The following TOP1MT variants were observed in gnomAD, a reference collection of about 807,000 sequenced individuals.
The protein encoded by TOP1MT is DNA topoisomerase I, mitochondrial.
TOP1MT carries 80 observed loss-of-function variants against 73.9 expected under a neutral mutation model. The observed-to-expected ratio is 1.08, with a 90% CI of 0.90 to 1.30. The LOEUF (loss-of-function observed/expected upper bound fraction) is 1.30. Ranked by LOEUF, TOP1MT falls within the 50% of genes most tolerant of loss-of-function variation. TOP1MT has a pLI of 0.00. For missense variants in TOP1MT, 815 were observed against 808.0 expected (o/e 1.01, Z -0.10); for synonymous variants, 338 against 326.4 (o/e 1.04, Z -0.38).
chr8:143,316,259 T>A, intron 10 of TOP1MT, 133 bp from the exon 11 acceptor site: 1 of 1,417,176 alleles, frequency 7.1e-7, no homozygotes, highest in Non-Finnish European at 9.7e-7. Context: ...ATGGGGAGAG[T>A]GAGGGCCAAG....
upstream of TOP1MT, among the ~76,000 whole-genome samples, chr8:143,359,064 A>G (rs1469306931): frequency 6.6e-6 from 1 of 151,676 alleles, no homozygotes; most frequent in Non-Finnish European, 1.5e-5. Context: ...GCTGGTCTCA[A>G]ACCCTGAGCT....
chr8:143,328,428 A>G, intron 3 of TOP1MT: 2 of 382,234 alleles, frequency 5.2e-6, no homozygotes, highest in South Asian at 3.9e-5. Flanking sequence ...ATGACACGTC[A>G]GTACACCAAA....
At chr8:143,322,645 ACACGCACAC>A (rs1816500889) in intron 7 of TOP1MT, among the ~76,000 whole-genome samples, 1 of 110,710 alleles carries the variant, frequency 9.0e-6, no homozygotes, top group Non-Finnish European at 1.7e-5. Context: ...CACACACGCC[ACACGCACAC>A]CACACACGCA....
At chr8:143,311,379 C>T (rs915493270) in intron 12 of TOP1MT, among the ~76,000 whole-genome samples, 3 of 152,052 alleles carry the variant, frequency 2.0e-5, no homozygotes, top group Non-Finnish European at 4.4e-5. Context: ...ACATTTCCTT[C>T]GCACACGCCA....
chr8:143,353,486 A>G (rs1817354279), intron 1 of TOP1MT, among the ~76,000 whole-genome samples: 1 of 152,200 alleles, frequency 6.6e-6, no homozygotes, highest in Admixed American at 6.5e-5. Flanking sequence ...AATGGCCGAT[A>G]AACACATGAA....
In TOP1MT at chr8:143,321,824, C is replaced by T. The variant is rs866593103; in HGVS notation, c.961-438G>A. 1.6e-4 allele frequency among the ~76,000 whole-genome samples: 16 copies of T among 97,240 alleles called. 1 individual carries two copies. Among genetic ancestry groups the T allele is most frequent in the South Asian group, 3.9e-4 (1 of 2,560 alleles). The allele number at this position is 97,240 out of a possible 152,430, so 63.8% of individuals were successfully genotyped here. ...CACACGCACGCTACACACACACGCA[C>T]GCTACACACACACGCCACACGCACG... On this transcript the variant is annotated intron_variant, in intron 7 of 13. Coordinates refer to ENST00000329245, the MANE Select transcript of TOP1MT (RefSeq NM_052963.3).
chr8:143,332,766 C>T (rs1454365462), intron 1 of TOP1MT: 3 of 373,592 alleles, frequency 8.0e-6, no homozygotes, highest in Non-Finnish European at 1.6e-5. Flanking sequence ...GGCGTGGTGG[C>T]TCACGCCTGT....
chr8:143,338,576 A>G (rs1422188676), upstream of TOP1MT, among the ~76,000 whole-genome samples: 1 of 152,230 alleles, frequency 6.6e-6, no homozygotes, highest in Non-Finnish European at 1.5e-5. Context: ...CAAAAAAAAA[A>G]AAATGTTAAT....
chr8:143,311,732 T>A (rs553976611), intron 12 of TOP1MT, among the ~76,000 whole-genome samples: 188 of 114,956 alleles, frequency 1.6e-3, no homozygotes, highest in African/African-American at 6.0e-3. Flanking sequence ...GGCAACAGAG[T>A]GAGAGACTCT....
chr8:143,351,117 G>A lies in TOP1MT; in HGVS notation c.-39+4848C>T, dbSNP rs74819655. Among the ~76,000 whole-genome samples the A allele has an allele frequency of 3.3e-5, 5 of 152,152 alleles. No individual in the cohort carries two copies. The East Asian group carries it at 5.8e-4, about 18-fold the overall frequency. On this transcript the variant is annotated intron_variant, in intron 1 of 5. Transcript: ENST00000518760. ...GCCTTCAGCAAGAACCCCTACCCCC[G>A]ATGTCTCCTCATGGTAACTTTCCAA...
chr8:143,335,502 C>G (rs886884203), upstream of TOP1MT, among the ~76,000 whole-genome samples: 1 of 152,230 alleles, frequency 6.6e-6, no homozygotes, highest in Non-Finnish European at 1.5e-5. Context: ...CTGGAGCCTC[C>G]TTCCTGCGCT....
chr8:143,325,216 C>A lies in TOP1MT; in HGVS notation c.671+130G>T, dbSNP rs554061477. On this transcript the variant is annotated intron_variant, in intron 5 of 13. Coordinates refer to ENST00000329245, the MANE Select transcript of TOP1MT (RefSeq NM_052963.3). ...GGCCACGCCTACAGGCTGAGCTCCA[C>A]AGGAATGGTGTGGGGGTCACCAACC... 58 of 881,104 alleles carry A rather than the reference C, an allele frequency of 6.6e-5. No individual in the cohort carries two copies. The East Asian group carries it at 1.6e-3, about 24-fold the overall frequency. The allele number at this position is 881,104 out of a possible 1,614,324, so 54.6% of individuals were successfully genotyped here.
chr8:143,323,804 ACAC>A (rs1196227284), intron 7 of TOP1MT, among the ~76,000 whole-genome samples, 192 bp downstream of exon 7: 2 of 151,542 alleles, frequency 1.3e-5, no homozygotes, highest in African/African-American at 2.4e-5. Flanking sequence ...AAGTGCACAC[ACAC>A]CACACAATGC....
intron 8 of TOP1MT, among the ~76,000 whole-genome samples, chr8:143,318,441 C>A (rs1297265142): frequency 6.6e-6 from 1 of 152,234 alleles, no homozygotes; most frequent in Non-Finnish European, 1.5e-5. Context: ...ACTCATCTGA[C>A]ATCACAGGAC....
intron 8 of TOP1MT, among the ~76,000 whole-genome samples, chr8:143,319,819 C>CTT (rs561586169): frequency 1.2e-3 from 169 of 146,324 alleles, no homozygotes; most frequent in Non-Finnish European, 1.8e-3. Flanking sequence ...AGAATGTAAC[C>CTT]TTTTTTTTTT....
At chr8:143,321,162 G>A (rs1356048872) in intron 8 of TOP1MT, 39 bp downstream of exon 8, 25 of 1,522,906 alleles carry the variant, frequency 1.6e-5, no homozygotes, top group Middle Eastern at 1.7e-4. Flanking sequence ...GAGCAAATAC[G>A]TGTCACATAG....
chr8:143,314,424 C>T (rs58116767), intron 12 of TOP1MT, among the ~76,000 whole-genome samples: 52,503 of 151,746 alleles, frequency 0.35, 10,608 homozygotes, highest in African/African-American at 0.55. Flanking sequence ...GGAGAAACCC[C>T]GTTTCTACTA....
In TOP1MT at chr8:143,341,979, GTTA is replaced by G. The variant is rs140409774; in HGVS notation, c.29+1238_29+1240del. ...TTATTATTAGAGACAGAGTCTCGCT[GTTA>G]TTATTATTATTAGAGACAGAGTCTC... On this transcript the variant is annotated intron_variant, in intron 2 of 5. Transcript: ENST00000518007. This position sits in a 1 kb window ranked among gnomAD's most constrained non-coding sequence, Gnocchi z 4.1. Among the ~76,000 whole-genome samples, 1,097 of 128,584 alleles carry G rather than the reference GTTA, an allele frequency of 8.5e-3. 33 individuals are homozygous for G. The highest frequency in any genetic ancestry group is 0.038 in the African/African-American group (1,001 of 26,376). 84.4% of individuals were successfully genotyped at this position (128,584 alleles called of 152,430 possible).
At position 143,341,950 on chromosome 8, in the gene TOP1MT, ATTATTATTATTAGAGACAGAGTCTCGCTG is replaced by A. The variant is rs1817093997; in HGVS notation, c.29+1241_29+1269del. 6.9e-6 allele frequency among the ~76,000 whole-genome samples: 1 copy of A among 145,048 alleles called. No individual in the cohort carries two copies. The highest frequency in any genetic ancestry group is 1.5e-5 in the Non-Finnish European group (1 of 66,356). ...TATTGAGACAGAGTCTCGCTCTGTT[ATTATTATTATTAGAGACAGAGTCTCGCTG>A]TTATTATTATTATTAGAGACAGAGT... On this transcript the variant is annotated intron_variant, in intron 2 of 5. Transcript: ENST00000518007. The surrounding 1 kb of genome is among the most constrained non-coding windows in gnomAD (Gnocchi z 4.1).
Sources: allele counts gnomAD v4.1 joint callset (sites outside exome capture counted in the v4.1 genomes callset), GRCh38; gene constraint gnomAD v4.1.1; non-coding constraint Gnocchi (gnomAD v3.1); transcripts MANE v1.5; gene names NCBI Gene and HGNC (gene_info 2026-07-23, HGNC 2026-07-21).